Variants in SYK observed in about 807,000 individuals in gnomAD.
SYK encodes spleen associated tyrosine kinase.
Under a neutral mutation model 77.8 loss-of-function variants are expected in SYK, and 16 were observed. The observed-to-expected ratio is 0.21, with a 90% CI of 0.14 to 0.31. The LOEUF (loss-of-function observed/expected upper bound fraction) is 0.31. SYK is among the 10% of genes least tolerant of loss of function. The pLI, the probability that SYK is intolerant of heterozygous loss-of-function variation, is 1.00. For synonymous variants in SYK, 312 were observed against 308.7 expected (o/e 1.01, Z -0.11); for missense variants, 529 against 814.4 (o/e 0.65, Z 4.26).
At chr9:90,809,850 C>T (rs984926986) in intron 1 of SYK, among the ~76,000 whole-genome samples, 3 of 151,956 alleles carry the variant, frequency 2.0e-5, no homozygotes, top group African/African-American at 4.8e-5. Context: ...GTGTTGCTGT[C>T]GTGAGGGTTG....
intron 1 of SYK, among the ~76,000 whole-genome samples, chr9:90,839,367 C>A (rs750945098): frequency 6.6e-6 from 1 of 152,174 alleles, no homozygotes; most frequent in Non-Finnish European, 1.5e-5. Flanking sequence ...TCAGCCACAT[C>A]GGTGCTGACA....
intron 4 of SYK, 60 bp from the exon 5 acceptor site, chr9:90,864,529 C>G: frequency 7.0e-7 from 1 of 1,434,408 alleles, no homozygotes; most frequent in South Asian, 1.2e-5. Flanking sequence ...AGCTCTCAGT[C>G]ACTATTTGTC....
intron 3 of SYK, among the ~76,000 whole-genome samples, chr9:90,851,963 C>T (rs960460261): frequency 6.6e-6 from 1 of 152,120 alleles, no homozygotes; most frequent in Non-Finnish European, 1.5e-5. Context: ...GTCAATACTA[C>T]AAGCATACAA....
intron 1 of SYK, among the ~76,000 whole-genome samples, chr9:90,811,685 A>G (rs1825076858): frequency 6.6e-6 from 1 of 152,042 alleles, no homozygotes; most frequent in Non-Finnish European, 1.5e-5. Context: ...TGGGAAGCCA[A>G]GGTGGGTGGA....
intron 11 of SYK, among the ~76,000 whole-genome samples, chr9:90,883,477 G>A (rs917186639): frequency 2.6e-5 from 4 of 152,088 alleles, no homozygotes; most frequent in African/African-American, 9.7e-5. Context: ...TGGGACCAAG[G>A]CTCAAGAAGA....
chr9:90,876,287 CAAAAAA>C (rs71923873), intron 9 of SYK, among the ~76,000 whole-genome samples: 3 of 120,058 alleles, frequency 2.5e-5, no homozygotes, highest in Admixed American at 8.0e-5. Flanking sequence ...AACTCTGCCT[CAAAAAA>C]AAAAAAAAAA....
rs376291747 is a variant in SYK, at chr9:90,869,260, T to C, written c.915+2061T>C. 5.8e-4 allele frequency among the ~76,000 whole-genome samples: 89 copies of C among 152,274 alleles called. 1 individual carries two copies. Among genetic ancestry groups the C allele is most frequent in the African/African-American group, 2.1e-3 (87 of 41,570 alleles). On this transcript the variant is annotated intron_variant, in intron 7 of 13. Coordinates refer to ENST00000375754, the MANE Select transcript of SYK (RefSeq NM_003177.7). ...AGAGTAATTAATCTGATTAATATTG[T>C]GAAAATACCTTTCTGGCAAAAAAAA...
At chr9:90,816,012 A>C (rs79875074) in intron 1 of SYK, among the ~76,000 whole-genome samples, 17,830 of 152,310 alleles carry the variant, frequency 0.12, 1,264 homozygotes, top group Admixed American at 0.23. Context: ...CCTAACCTGC[A>C]GCTGAAATGC....
At chr9:90,891,369 G>A (rs1314651971) in intron 13 of SYK, among the ~76,000 whole-genome samples, 1 of 151,762 alleles carries the variant, frequency 6.6e-6, no homozygotes, top group Non-Finnish European at 1.5e-5. Flanking sequence ...GGATGGTCTC[G>A]ATCTCCTGAC....
At chr9:90,844,359 T>C in intron 2 of SYK, 44 bp downstream of exon 2, 1 of 1,502,126 alleles carries the variant, frequency 6.7e-7, no homozygotes, top group Non-Finnish European at 8.9e-7. Flanking sequence ...GGGGGCCCTG[T>C]GACCCCACAC....
At chr9:90,846,304 G>T (rs1826590211) in intron 3 of SYK, among the ~76,000 whole-genome samples, 1 of 152,196 alleles carries the variant, frequency 6.6e-6, no homozygotes, top group South Asian at 2.1e-4. Context: ...GTCCCTGGGG[G>T]AAATGATCCC....
At chr9:90,861,404 T>A (rs1052616240) in intron 3 of SYK, among the ~76,000 whole-genome samples, 3 of 152,144 alleles carry the variant, frequency 2.0e-5, no homozygotes, top group African/African-American at 7.2e-5. Flanking sequence ...TTCACCTCTG[T>A]CTCTTCACCC....
Position 90,878,710 on chromosome 9 carries a change from G to C in SYK, c.1392-54G>C, listed in dbSNP as rs981672360. 2.3e-5 allele frequency: 35 copies of C among 1,495,312 alleles called. No homozygotes were observed. In the African/African-American group the frequency reaches 2.7e-4, roughly 12 times the overall value. The allele number at this position is 1,495,312 out of a possible 1,614,324, so 92.6% of individuals were successfully genotyped here. On this transcript the variant is annotated intron_variant, in intron 10 of 13. Transcript: ENST00000375754. ...GCCTGCGTGAGGAGCATGGTTGTTT[G>C]TTGTGAAATGGGTCACTGTCTGTTA...
intron 1 of SYK, among the ~76,000 whole-genome samples, chr9:90,824,459 C>A (rs989772110): frequency 6.6e-6 from 1 of 152,026 alleles, no homozygotes. Context: ...CTTATATATA[C>A]AAAAACCCTC....
chr9:90,821,810 C>A (rs1045376942), intron 1 of SYK, among the ~76,000 whole-genome samples: 3 of 152,038 alleles, frequency 2.0e-5, no homozygotes, highest in African/African-American at 7.2e-5. Flanking sequence ...GTTTAGAGTA[C>A]CCCCAGCTGA....
intron 6 of SYK, among the ~76,000 whole-genome samples, 194 bp downstream of exon 6, chr9:90,865,291 T>TCTTTC (rs1827440294): frequency 6.6e-6 from 1 of 152,076 alleles, no homozygotes; most frequent in Non-Finnish European, 1.5e-5. Flanking sequence ...AACCACATTT[T>TCTTTC]CTTTTCTTTT....
chr9:90,823,281 A>T (rs1825576935), intron 1 of SYK, among the ~76,000 whole-genome samples: 1 of 152,234 alleles, frequency 6.6e-6, no homozygotes, highest in African/African-American at 2.4e-5. Flanking sequence ...TAAGACTGAA[A>T]GGAGAAGTAG....
chr9:90,804,030 GTGT>G (rs757035174), intron 1 of SYK, among the ~76,000 whole-genome samples: 3 of 150,760 alleles, frequency 2.0e-5, no homozygotes, highest in African/African-American at 2.4e-5. Context: ...AAAAAAAAAA[GTGT>G]TGTTTTTCAG....
intron 3 of SYK, among the ~76,000 whole-genome samples, 184 bp downstream of exon 3, chr9:90,845,778 G>A (rs904672205): frequency 2.0e-5 from 3 of 152,148 alleles, no homozygotes; most frequent in African/African-American, 7.2e-5. Flanking sequence ...TTGTGACCCA[G>A]TGTTTATTTT....
Sources: gnomAD v4.1 joint callset for allele counts (sites outside exome capture counted in the v4.1 genomes callset) on GRCh38, gnomAD v4.1.1 for gene constraint, MANE v1.5 for transcripts, NCBI Gene and HGNC (gene_info 2026-07-23, HGNC 2026-07-21) for gene names.